DCBLD1: variants seen among roughly 807,000 people sequenced by gnomAD.
DCBLD1 encodes discoidin, CUB and LCCL domain containing 1, also known as discoidin, CUB and LCCL domain-containing protein 1.
A neutral mutation model predicts 71.5 loss-of-function variants in DCBLD1; 57 were observed. The ratio of observed to expected loss-of-function variants is 0.80; its 90% CI spans 0.64 to 0.99. The LOEUF (loss-of-function observed/expected upper bound fraction) is 0.99. DCBLD1 is among the 50% of genes least tolerant of loss of function. The pLI, the probability that DCBLD1 is intolerant of heterozygous loss-of-function variation, is 0.00. For missense variants in DCBLD1, 891 were observed against 923.5 expected (o/e 0.96, Z 0.46); for synonymous variants, 380 against 363.8 (o/e 1.04, Z -0.51).
chr6:117,499,771 C>A (rs1582973641), intron 1 of DCBLD1, among the ~76,000 whole-genome samples: 1 of 152,138 alleles, frequency 6.6e-6, no homozygotes, highest in African/African-American at 2.4e-5. Context: ...CAGTGATTGT[C>A]AATTAGAGAG....
intron 2 of DCBLD1, among the ~76,000 whole-genome samples, chr6:117,509,581 T>G (rs1400011336): frequency 6.6e-6 from 1 of 152,160 alleles, no homozygotes; most frequent in East Asian, 1.9e-4. Context: ...TTCCCTATCC[T>G]CTGCCCCTCT....
At chr6:117,559,577 G>C (rs150401982) in intron 14 of DCBLD1, among the ~76,000 whole-genome samples, 1 of 152,186 alleles carries the variant, frequency 6.6e-6, no homozygotes, top group Non-Finnish European at 1.5e-5. Context: ...CCTCCTGCAC[G>C]AGAACTGACA....
chr6:117,566,740 C>T (rs1779704613), intron 14 of DCBLD1: 1 of 608,904 alleles, frequency 1.6e-6, no homozygotes, highest in East Asian at 2.9e-5. Flanking sequence ...GAAAGCTCTT[C>T]ATTCCTTTGA....
intron 11 of DCBLD1, among the ~76,000 whole-genome samples, chr6:117,542,577 C>T (rs1779134113): frequency 1.3e-5 from 2 of 152,132 alleles, no homozygotes; most frequent in African/African-American, 2.4e-5. Flanking sequence ...TGTGGTGTTT[C>T]ATGCAACATA....
In DCBLD1 at chr6:117,548,387, C is replaced by G. The variant is rs1361824595; in HGVS notation, c.2096C>G (p.Pro699Arg). ...HPGTSDSYSA[P>R]RDCLTPLNQT... ...GGGACGAGTGACAGCTATTCTGCCCCCAGAGACTGCCTCACACCCCTCAAC... is the reference window on the plus strand; with the variant it reads ...GGGACGAGTGACAGCTATTCTGCCCGCAGAGACTGCCTCACACCCCTCAAC... Residue 699 changes from proline to arginine, a missense_variant, in exon 15 of 15, where the codon CCC becomes CGC. Transcript: ENST00000338728. 6.4e-7 allele frequency: 1 copy of G among 1,550,716 alleles called. No individual in the cohort carries two copies. The highest frequency in any genetic ancestry group is 8.7e-7 in the Non-Finnish European group (1 of 1,147,012).
chr6:117,499,237 T>C (rs1322451658), intron 1 of DCBLD1, among the ~76,000 whole-genome samples: 1 of 39,304 alleles, frequency 2.5e-5, no homozygotes, highest in Non-Finnish European at 4.3e-5. Flanking sequence ...CCCCCATCTC[T>C]ACCAAAAAAA....
chr6:117,528,742 TTAAG>T (rs761710051), intron 5 of DCBLD1, among the ~76,000 whole-genome samples: 1 of 152,244 alleles, frequency 6.6e-6, no homozygotes. Flanking sequence ...ATTATTCTGT[TTAAG>T]TATATTTTGT....
intron 6 of DCBLD1, among the ~76,000 whole-genome samples, chr6:117,536,965 A>C (rs528412303): frequency 6.6e-6 from 1 of 152,220 alleles, no homozygotes; most frequent in Admixed American, 6.5e-5. Context: ...CTTGTCACTT[A>C]TATGAATTTA....
At chr6:117,491,850 T>G (rs1040784162) in intron 1 of DCBLD1, among the ~76,000 whole-genome samples, 5 of 152,210 alleles carry the variant, frequency 3.3e-5, no homozygotes, top group Non-Finnish European at 7.3e-5. Flanking sequence ...CAGAGTAGTT[T>G]ATCTTTTACT....
intron 14 of DCBLD1, chr6:117,562,398 A>C (rs1040811607): frequency 5.0e-6 from 1 of 199,502 alleles, no homozygotes; most frequent in Non-Finnish European, 1.0e-5. Flanking sequence ...CAGGACTATC[A>C]CAAGACAAAC....
At position 117,538,830 on chromosome 6, in the gene DCBLD1, T is replaced by G. The variant is rs1485683799; in HGVS notation, c.971T>G (p.Ile324Arg). The change falls in exon 8 of 15, where the codon ATA becomes AGA. Residue 324 changes from isoleucine (I) to arginine (R), a missense_variant. Ile to Arg is a moderately conservative substitution (Grantham distance 97, BLOSUM62 -3). Transcript: ENST00000338728. ...ATCGATTTGGGGGAGAAAAAGAAAA[T>G]AACAGGTGCAGAAAATAACACAAGT... ...LEIDLGEKKKITGIRTTGSTQ... is the reference protein window; with the variant it reads ...LEIDLGEKKKRTGIRTTGSTQ... 6.2e-7 allele frequency: 1 copy of G among 1,610,736 alleles called. No homozygotes were observed. Among genetic ancestry groups the G allele is most frequent in the Non-Finnish European group, 8.5e-7 (1 of 1,178,568 alleles).
chr6:117,536,319 A>G (rs977077810), intron 6 of DCBLD1, among the ~76,000 whole-genome samples: 1 of 152,216 alleles, frequency 6.6e-6, no homozygotes, highest in Non-Finnish European at 1.5e-5. Flanking sequence ...GTGCACATAA[A>G]GCTAATGTTG....
intron 1 of DCBLD1, among the ~76,000 whole-genome samples, chr6:117,483,701 C>CTTTT (rs71717606): frequency 2.0e-5 from 3 of 146,646 alleles, no homozygotes; most frequent in African/African-American, 7.5e-5. Flanking sequence ...TTAATTAGTG[C>CTTTT]TTTTTTTTTT....
chr6:117,569,762 TA>T (rs780984817), exon 15 of DCBLD1: 16 of 1,548,452 alleles, frequency 1.0e-5, no homozygotes, highest in Non-Finnish European at 1.3e-5. Context: ...GGCAGTAAAT[TA>T]AAGTACTCTT....
rs376383206 is a variant in DCBLD1 at position 117,569,774 on chromosome 6, T to C, written c.*150T>C. The C allele has an allele frequency of 6.1e-5, 94 of 1,535,078 alleles. No individual in the cohort carries two copies. The Middle Eastern group carries it at 6.9e-4, about 11-fold the overall frequency. Reference sequence around the variant, plus strand: ...AAGGGCAGTAAATTAAAGTACTCTTTGTAAGGTACAGTTACCGATTAATCT... The same window carrying C: ...AAGGGCAGTAAATTAAAGTACTCTTCGTAAGGTACAGTTACCGATTAATCT... On this transcript the variant is annotated 3_prime_UTR_variant, in exon 15 of 15. Coordinates refer to the DCBLD1 transcript ENST00000296955.
chr6:117,535,393 G>A (rs140601841), intron 6 of DCBLD1, among the ~76,000 whole-genome samples: 2 of 152,216 alleles, frequency 1.3e-5, no homozygotes, highest in East Asian at 3.9e-4. Flanking sequence ...CCTTATTCCT[G>A]TAATCTGATT....
At chr6:117,511,064 TGAGGCCCTGCTCAAATGCCCA>T (rs1318477556) in intron 2 of DCBLD1, among the ~76,000 whole-genome samples, 1 of 152,154 alleles carries the variant, frequency 6.6e-6, no homozygotes, top group East Asian at 1.9e-4. Flanking sequence ...TCTGGGCATT[TGAGGCCCTGCTCAAATGCCCA>T]GAGGCCCTAC....
At chr6:117,532,933 T>C (rs951405151) in intron 6 of DCBLD1, among the ~76,000 whole-genome samples, 7 of 152,216 alleles carry the variant, frequency 4.6e-5, no homozygotes, top group African/African-American at 1.7e-4. Context: ...AAAAAAAATG[T>C]GTTAAGTGCT....
At chr6:117,520,003 C>T in intron 3 of DCBLD1, 53 bp downstream of exon 3, 1 of 1,595,754 alleles carries the variant, frequency 6.3e-7, no homozygotes, top group Non-Finnish European at 8.6e-7. Context: ...CTAAGAATTC[C>T]TCTTGCCACT....
Sources: gnomAD v4.1 joint callset for allele counts (sites outside exome capture counted in the v4.1 genomes callset) on GRCh38, gnomAD v4.1.1 for gene constraint, MANE v1.5 for transcripts, NCBI Gene and HGNC (gene_info 2026-07-23, HGNC 2026-07-21) for gene names.